The following CCDC88A variants were observed in gnomAD, a reference collection of about 807,000 sequenced individuals.
The protein encoded by CCDC88A is girdin.
CCDC88A carries 54 observed loss-of-function variants against 234.3 expected under a neutral mutation model. The observed-to-expected ratio is 0.23, with a 90% CI of 0.19 to 0.29. The LOEUF (loss-of-function observed/expected upper bound fraction) is 0.29. Among genes scored for constraint, CCDC88A ranks in the 10% least tolerant of loss-of-function variants. The probability of loss-of-function intolerance (pLI) is 1.00; values close to 1 mark genes in which losing one functional copy is unlikely to be tolerated. For missense variants in CCDC88A, 1,832 were observed against 2,123.4 expected (o/e 0.86, Z 2.70); for synonymous variants, 753 against 737.8 (o/e 1.02, Z -0.33).
intron 2 of CCDC88A, among the ~76,000 whole-genome samples, chr2:55,402,298 G>C (rs563676611): frequency 3.3e-5 from 5 of 152,226 alleles, no homozygotes; most frequent in Admixed American, 3.3e-4. Flanking sequence ...AAATCTCAGT[G>C]TTTGGCTTAA....
intron 3 of CCDC88A, among the ~76,000 whole-genome samples, chr2:55,380,063 A>G (rs1674343698): frequency 1.4e-5 from 1 of 70,216 alleles, no homozygotes; most frequent in Non-Finnish European, 3.0e-5. Context: ...GTCTCTACTA[A>G]AAAAAAAAAA....
intron 12 of CCDC88A, among the ~76,000 whole-genome samples, chr2:55,342,762 T>TA (rs1327157346): frequency 6.6e-6 from 1 of 152,152 alleles, no homozygotes; most frequent in Non-Finnish European, 1.5e-5. Context: ...TCTATAGAGG[T>TA]AATTATTCTG....
At chr2:55,314,760 A>G (rs1682778294) in intron 22 of CCDC88A, 1 of 152,244 alleles carries the variant, frequency 6.6e-6, no homozygotes, top group African/African-American at 2.4e-5. Flanking sequence ...AAGTAAACAT[A>G]TATGTTAAAC....
rs1378861686 is a variant in CCDC88A, at chr2:55,384,630, T to TATATATGCGTATATATGCGTATATATAC, written c.273+4147_273+4148insGTATATATACGCATATATACGCATATAT. ...ATATGTGTATATATACGTATATATA[T>TATATATGCGTATATATGCGTATATATAC]GTATATATGTGTATATATACATATA... On this transcript the variant is annotated intron_variant, in intron 3 of 32. Coordinates refer to ENST00000436346, the MANE Select transcript of CCDC88A (RefSeq NM_001365480.1). Among the ~76,000 whole-genome samples, 2 of 29,108 alleles carry TATATATGCGTATATATGCGTATATATAC rather than the reference T, an allele frequency of 6.9e-5. 1 individual carries two copies. Among genetic ancestry groups the TATATATGCGTATATATGCGTATATATAC allele is most frequent in the African/African-American group, 5.5e-4 (2 of 3,662 alleles). The allele number at this position is 29,108 out of a possible 152,430, so 19.1% of individuals were successfully genotyped here.
chr2:55,326,049 T>C (rs1684220332), intron 17 of CCDC88A, among the ~76,000 whole-genome samples: 1 of 152,232 alleles, frequency 6.6e-6, no homozygotes, highest in Admixed American at 6.5e-5. Context: ...AATCTCTGTC[T>C]TTTAACTGGG....
At chr2:55,355,446 ACCT>A in intron 8 of CCDC88A, 130 bp downstream of exon 8, 1 of 722,014 alleles carries the variant, frequency 1.4e-6, no homozygotes, top group South Asian at 1.7e-5. Flanking sequence ...CCTTATGCCA[ACCT>A]CCTTATTTTT....
rs1417068780 is a variant in CCDC88A, at chr2:55,408,210, C to T, written c.164+10606G>A. On this transcript the variant is annotated intron_variant, in intron 2 of 32. Coordinates refer to ENST00000436346, the MANE Select transcript of CCDC88A (RefSeq NM_001365480.1). The stretch of plus-strand genomic sequence containing the variant: ...TTCAGAATTGCAACCTCCAAAATCT[C>T]AAATTCTGAAAATCTACTCTGACCT... 3.3e-5 allele frequency among the ~76,000 whole-genome samples: 5 copies of T among 152,178 alleles called. No homozygotes were observed. In the East Asian group the frequency reaches 9.6e-4, roughly 29 times the overall value.
chr2:55,399,298 G>A (rs1232876405), intron 2 of CCDC88A, among the ~76,000 whole-genome samples: 3 of 151,970 alleles, frequency 2.0e-5, no homozygotes, highest in South Asian at 2.1e-4. Flanking sequence ...AGGTCAAGGC[G>A]GGTGGATCAT....
In CCDC88A at chr2:55,386,218, G is replaced by A. The variant is rs1335513349; in HGVS notation, c.273+2560C>T. 2.2e-4 allele frequency among the ~76,000 whole-genome samples: 5 copies of A among 22,890 alleles called. No individual in the cohort carries two copies. The Admixed American group carries it at 2.3e-3, about 10-fold the overall frequency. 15.0% of individuals were successfully genotyped at this position (22,890 alleles called of 152,430 possible). On this transcript the variant is annotated intron_variant, in intron 3 of 32. Transcript: ENST00000436346. ...GCCTGGGCAACAAGAGCAAAACTCC[G>A]TCTCAAAAAAAAAAAAATACAGAGA...
chr2:55,328,252 T>G lies in CCDC88A; in HGVS notation c.2997+42A>C. 7.3e-7 allele frequency: 1 copy of G among 1,371,656 alleles called. No individual in the cohort carries two copies. Among genetic ancestry groups the G allele is most frequent in the Non-Finnish European group, 1.0e-6 (1 of 1,004,468 alleles). The allele number at this position is 1,371,656 out of a possible 1,614,324, so 85.0% of individuals were successfully genotyped here. A position where few individuals can be genotyped will look rare whatever the true frequency, so the allele number is the denominator to read the frequency against. ...ATATTTTTCTGTCCAAATATTTATATAATAAATGATCCTTAAAATTCTTTC... is the reference window on the plus strand; with the variant it reads ...ATATTTTTCTGTCCAAATATTTATAGAATAAATGATCCTTAAAATTCTTTC... On this transcript the variant is annotated intron_variant, in intron 17 of 32. Coordinates refer to ENST00000436346, the MANE Select transcript of CCDC88A (RefSeq NM_001365480.1). This position sits in a 1 kb window ranked among gnomAD's most constrained non-coding sequence, Gnocchi z 4.3.
intron 31 of CCDC88A, 154 bp downstream of exon 31, chr2:55,295,443 T>A: frequency 6.4e-7 from 1 of 1,555,118 alleles, no homozygotes; most frequent in Non-Finnish European, 8.7e-7. Flanking sequence ...AAAAGTTTGG[T>A]TTAGAAAATG....
At chr2:55,312,370 T>C in intron 23 of CCDC88A, 64 bp downstream of exon 23, 1 of 1,396,620 alleles carries the variant, frequency 7.2e-7, no homozygotes, top group Non-Finnish European at 9.9e-7. Flanking sequence ...TCTCTGCCAC[T>C]GGGTATGGCA....
intron 2 of CCDC88A, among the ~76,000 whole-genome samples, chr2:55,409,183 A>G (rs1283659823): frequency 6.6e-6 from 1 of 152,222 alleles, no homozygotes; most frequent in African/African-American, 2.4e-5. Flanking sequence ...TCCTCTTAGC[A>G]GCCTTGTAAA....
chr2:55,414,512 G>A (rs1362840954), intron 2 of CCDC88A, among the ~76,000 whole-genome samples: 1 of 152,150 alleles, frequency 6.6e-6, no homozygotes. Flanking sequence ...AGTTTAAGAC[G>A]ATTGAAGTCA....
intron 26 of CCDC88A, chr2:55,302,688 T>A (rs1681040368): frequency 6.3e-6 from 1 of 159,102 alleles, no homozygotes; most frequent in Admixed American, 6.1e-5. Context: ...TTTATTTAAT[T>A]AATCTGGTTC....
At chr2:55,353,986 T>A (rs1185927817) in intron 8 of CCDC88A, among the ~76,000 whole-genome samples, 4 of 152,210 alleles carry the variant, frequency 2.6e-5, no homozygotes, top group Non-Finnish European at 4.4e-5. Context: ...ACCTAGGCTA[T>A]ATGGTATAGC....
chr2:55,299,062 G>A (rs1199214850), intron 29 of CCDC88A, among the ~76,000 whole-genome samples: 1 of 152,020 alleles, frequency 6.6e-6, no homozygotes, highest in African/African-American at 2.4e-5. Flanking sequence ...TTAGCTGGGT[G>A]TGGTGGTCGT....
At chr2:55,413,447 G>A (rs1341900322) in intron 2 of CCDC88A, among the ~76,000 whole-genome samples, 2 of 152,114 alleles carry the variant, frequency 1.3e-5, no homozygotes, top group African/African-American at 4.8e-5. Flanking sequence ...ACTGTAATTT[G>A]GAGATATTAG....
At chr2:55,375,468 A>AATATATATATATATATATATATATAT (rs1558768191) in intron 3 of CCDC88A, among the ~76,000 whole-genome samples, 1 of 129,740 alleles carries the variant, frequency 7.7e-6, no homozygotes, top group African/African-American at 3.1e-5. Context: ...CTGTCACTGT[A>AATATATATATATATATATATATATAT]CTATATATAT....
Sources: allele counts gnomAD v4.1 joint callset (sites outside exome capture counted in the v4.1 genomes callset), GRCh38; gene constraint gnomAD v4.1.1; non-coding constraint Gnocchi (gnomAD v3.1); transcripts MANE v1.5; gene names NCBI Gene and HGNC (gene_info 2026-07-23, HGNC 2026-07-21).